KAZN: variants seen among roughly 807,000 people sequenced by gnomAD.
KAZN encodes the protein kazrin.
KAZN carries 40 observed loss-of-function variants against 87.4 expected under a neutral mutation model. The ratio of observed to expected loss-of-function variants is 0.46; its 90% CI spans 0.36 to 0.60. The LOEUF is 0.60. Ranked by LOEUF, KAZN falls within the 20% of genes least tolerant of loss-of-function variation. KAZN has a pLI of 0.00. For missense variants in KAZN, 898 were observed against 1,073.9 expected (o/e 0.84, Z 2.29); for synonymous variants, 466 against 458.3 (o/e 1.02, Z -0.22).
At chr1:14,337,771 G>A (rs1224192379) in intron 2 of KAZN, among the ~76,000 whole-genome samples, 1 of 151,962 alleles carries the variant, frequency 6.6e-6, no homozygotes, top group East Asian at 1.9e-4. Flanking sequence ...GCGCGCATCT[G>A]TAATCCCAGC....
chr1:14,264,247 A>G (rs1255511122), intron 2 of KAZN, among the ~76,000 whole-genome samples: 2 of 152,078 alleles, frequency 1.3e-5, no homozygotes, highest in Non-Finnish European at 2.9e-5. Flanking sequence ...AGTTCCTCGC[A>G]ATTGTAGGAC....
chr1:14,499,538 G>A (rs1444544653), intron 2 of KAZN, among the ~76,000 whole-genome samples: 1 of 152,134 alleles, frequency 6.6e-6, no homozygotes, highest in Non-Finnish European at 1.5e-5. Flanking sequence ...TAACAATGGT[G>A]CATTGTCTCA....
intron 1 of KAZN, among the ~76,000 whole-genome samples, chr1:14,601,097 C>T (rs1404900704): frequency 2.0e-5 from 3 of 152,122 alleles, no homozygotes; most frequent in African/African-American, 7.2e-5. Context: ...CACATAAAAC[C>T]AGCAGCTCCC....
intron 1 of KAZN, among the ~76,000 whole-genome samples, chr1:14,679,687 A>G (rs1213068733): frequency 3.3e-5 from 5 of 152,112 alleles, no homozygotes; most frequent in African/African-American, 1.2e-4. Flanking sequence ...TTGCCCTGTG[A>G]GGTAGGTACT....
At chr1:14,758,157 C>CCCTTCCTCCCTT (rs60446083) in intron 1 of KAZN, among the ~76,000 whole-genome samples, 1 of 149,144 alleles carries the variant, frequency 6.7e-6, no homozygotes, top group Admixed American at 6.6e-5. Context: ...CTCCCTTCCT[C>CCCTTCCTCCCTT]CCTCCCTCCC....
At chr1:14,803,685 C>A (rs1373262262) in intron 1 of KAZN, among the ~76,000 whole-genome samples, 1 of 152,244 alleles carries the variant, frequency 6.6e-6, no homozygotes, top group Non-Finnish European at 1.5e-5. Flanking sequence ...CACTCCAGTG[C>A]TTTACGACGG....
chr1:14,896,685 G>C (rs1655317236), intron 1 of KAZN, among the ~76,000 whole-genome samples: 1 of 152,128 alleles, frequency 6.6e-6, no homozygotes. Flanking sequence ...TCTTTTCTAG[G>C]GCCAAGAGAG....
chr1:14,358,188 GTTTCTAGTTTA>G (rs1314139293), intron 2 of KAZN, among the ~76,000 whole-genome samples: 1 of 151,944 alleles, frequency 6.6e-6, no homozygotes, highest in Non-Finnish European at 1.5e-5. Flanking sequence ...TTCTTCTAGA[GTTTCTAGTTTA>G]TTTCCATAGA....
intron 1 of KAZN, among the ~76,000 whole-genome samples, chr1:14,802,092 C>T (rs1158718079): frequency 2.0e-5 from 3 of 152,052 alleles, no homozygotes; most frequent in Admixed American, 6.6e-5. Context: ...CGTCGACTCT[C>T]TCCATGTGGT....
chr1:15,055,649 C>T (rs547528652), intron 4 of KAZN, among the ~76,000 whole-genome samples: 1 of 152,264 alleles, frequency 6.6e-6, no homozygotes, highest in South Asian at 2.1e-4. Flanking sequence ...GTTGTATGAC[C>T]TTGAGCAAAT....
chr1:14,431,691 CT>C (rs1411392349), intron 2 of KAZN, among the ~76,000 whole-genome samples: 1 of 152,282 alleles, frequency 6.6e-6, no homozygotes, highest in Admixed American at 6.5e-5. Context: ...CTTCTTCTTC[CT>C]GCCTTGAATG....
intron 1 of KAZN, among the ~76,000 whole-genome samples, chr1:13,957,773 G>A (rs1055138086): frequency 2.6e-5 from 4 of 152,086 alleles, no homozygotes; most frequent in Admixed American, 6.5e-5. Context: ...GGGGGATGGC[G>A]TTAATCTATT....
chr1:14,364,484 G>A (rs1218280591), intron 2 of KAZN, among the ~76,000 whole-genome samples: 1 of 152,112 alleles, frequency 6.6e-6, no homozygotes, highest in African/African-American at 2.4e-5. Flanking sequence ...CTCTAAAATG[G>A]GAATAATGAT....
intron 2 of KAZN, among the ~76,000 whole-genome samples, chr1:14,466,520 A>G (rs563195639): frequency 1.3e-5 from 2 of 152,184 alleles, no homozygotes; most frequent in South Asian, 2.1e-4. Flanking sequence ...GAGGGAGAGC[A>G]TTAGGAAAAA....
intron 1 of KAZN, among the ~76,000 whole-genome samples, chr1:14,737,531 C>A (rs978538915): frequency 6.6e-6 from 1 of 152,270 alleles, no homozygotes; most frequent in Admixed American, 6.5e-5. Flanking sequence ...TGCTGTGTAA[C>A]CAGTTACTGC....
intron 2 of KAZN, among the ~76,000 whole-genome samples, chr1:14,471,925 C>T (rs995570662): frequency 7.2e-5 from 11 of 152,184 alleles, no homozygotes; most frequent in Non-Finnish European, 1.0e-4. Context: ...GTCTCTTACC[C>T]GCTGCTATCA....
intron 1 of KAZN, among the ~76,000 whole-genome samples, chr1:14,802,233 G>C (rs1046390785): frequency 6.6e-6 from 1 of 151,886 alleles, no homozygotes; most frequent in Non-Finnish European, 1.5e-5. Flanking sequence ...TGACAAAACC[G>C]TCTCTACTCA....
At chr1:14,711,506 A>G (rs1244047572) in intron 1 of KAZN, among the ~76,000 whole-genome samples, 3 of 152,162 alleles carry the variant, frequency 2.0e-5, no homozygotes, top group Non-Finnish European at 4.4e-5. Flanking sequence ...TGGTGTTCAC[A>G]TCCTTGTGTA....
chr1:14,544,251 T>G (rs1672985308), intron 2 of KAZN, among the ~76,000 whole-genome samples: 1 of 151,748 alleles, frequency 6.6e-6, no homozygotes, highest in Admixed American at 6.6e-5. Context: ...TTCTAGATTT[T>G]CTCAAGGGAT....
Sources: gnomAD v4.1 joint callset for allele counts (sites outside exome capture counted in the v4.1 genomes callset) on GRCh38, gnomAD v4.1.1 for gene constraint, MANE v1.5 for transcripts, NCBI Gene and HGNC (gene_info 2026-07-23, HGNC 2026-07-21) for gene names.